Variants in TXNRD2 observed in about 807,000 individuals in gnomAD.
TXNRD2 encodes the protein thioredoxin reductase 2.
Under a neutral mutation model 70.8 loss-of-function variants are expected in TXNRD2, and 67 were observed. That is an observed-to-expected ratio of 0.95 (90% CI 0.78 to 1.16). The LOEUF (loss-of-function observed/expected upper bound fraction) is 1.16. Ranked by LOEUF, TXNRD2 falls within the 50% of genes most tolerant of loss-of-function variation. The probability of loss-of-function intolerance (pLI) is 0.00; values close to 1 mark genes in which losing one functional copy is unlikely to be tolerated. For synonymous variants in TXNRD2, 301 were observed against 295.8 expected (o/e 1.02, Z -0.18); for missense variants, 644 against 719.9 (o/e 0.89, Z 1.21).
At chr22:19,925,054 G>T (rs1040233390) in intron 2 of TXNRD2, among the ~76,000 whole-genome samples, 1 of 151,720 alleles carries the variant, frequency 6.6e-6, no homozygotes, top group Non-Finnish European at 1.5e-5. Flanking sequence ...GGAGGCCAAG[G>T]GGGGCGGATC....
At chr22:19,887,674 C>T (rs1939091089) in intron 11 of TXNRD2, 1 of 152,434 alleles carries the variant, frequency 6.6e-6, no homozygotes, top group African/African-American at 2.4e-5. Context: ...GTCACCTCCC[C>T]TAGCCCGGAA....
intron 1 of TXNRD2, chr22:19,932,607 T>G: frequency 7.1e-7 from 1 of 1,417,716 alleles, no homozygotes; most frequent in Non-Finnish European, 9.3e-7. Flanking sequence ...GAAGAAATAA[T>G]AGCAAGTCAT....
At chr22:19,907,954 G>A (rs1265615601) in intron 8 of TXNRD2, among the ~76,000 whole-genome samples, 1 of 98,066 alleles carries the variant, frequency 1.0e-5, no homozygotes, top group African/African-American at 4.4e-5. Flanking sequence ...CAGCTCTCAG[G>A]AGAGTGTGGG....
At chr22:19,911,167 C>A (rs756203916) in intron 8 of TXNRD2, 1 of 674,018 alleles carries the variant, frequency 1.5e-6, no homozygotes, top group South Asian at 1.5e-5. Flanking sequence ...GAACTCCTGG[C>A]CTCAAGCAAT....
intron 16 of TXNRD2, among the ~76,000 whole-genome samples, chr22:19,877,860 G>A (rs1376097541): frequency 1.3e-5 from 2 of 152,192 alleles, no homozygotes; most frequent in Non-Finnish European, 2.9e-5. Flanking sequence ...GGGCCACAGG[G>A]GACACCTCAC....
intron 8 of TXNRD2, among the ~76,000 whole-genome samples, chr22:19,905,223 A>G (rs187370809): frequency 1.6e-4 from 24 of 152,368 alleles, no homozygotes; most frequent in Admixed American, 2.6e-4. Context: ...ATTTCCTCAC[A>G]TAAATCATGC....
chr22:19,905,245 C>T (rs975687651), intron 8 of TXNRD2, among the ~76,000 whole-genome samples: 5 of 152,148 alleles, frequency 3.3e-5, no homozygotes, highest in African/African-American at 9.7e-5. Flanking sequence ...CAGAATGAAA[C>T]GGGTGACTGA....
chr22:19,926,832 C>A lies in TXNRD2; in HGVS notation c.172+4198G>T, dbSNP rs116586974. On this transcript the variant is annotated intron_variant, in intron 2 of 17. Coordinates refer to ENST00000400521, the MANE Select transcript of TXNRD2 (RefSeq NM_006440.5). ...ACAGCTGAAATGTCCAGAACAGACA[C>A]ATCCACGGATATAGGAAGTAGATTA... Among the ~76,000 whole-genome samples, 26 of 152,280 alleles carry A rather than the reference C, an allele frequency of 1.7e-4. No individual in the cohort carries two copies. The East Asian group carries it at 2.5e-3, about 15-fold the overall frequency.
At chr22:19,897,327 T>C (rs1939553992) in intron 10 of TXNRD2, among the ~76,000 whole-genome samples, 1 of 152,190 alleles carries the variant, frequency 6.6e-6, no homozygotes, top group African/African-American at 2.4e-5. Context: ...GGCCTGCAGA[T>C]CTGCACAGCT....
chr22:19,923,672 G>GCTC, intron 2 of TXNRD2, among the ~76,000 whole-genome samples: 3 of 152,140 alleles, frequency 2.0e-5, no homozygotes, highest in South Asian at 2.1e-4. Context: ...TGTGGTGGTG[G>GCTC]GCGCCTGTAA....
rs780948248 is a variant in TXNRD2 at position 19,880,682 on chromosome 22, G to A, written c.1122C>T (p.Ala374=). The A allele has an allele frequency of 1.9e-5, 31 of 1,613,206 alleles. No homozygotes were observed. Among genetic ancestry groups the A allele is most frequent in the Admixed American group, 5.0e-5 (3 of 60,004 alleles). The change falls in exon 13 of 18, where the codon GCC becomes GCT. Residue 374 remains alanine (A), a synonymous_variant. Transcript: ENST00000400521. The part of the protein sequence containing the change: ...RPELTPIAIM[A]GRLLVQRLFG... ...AGAGCCGCTGCACCAGGAGCCTCCC[G>A]GCCATGATCGCTATGGGTGTCAGCT... is the stretch of plus-strand genomic sequence containing the variant.
rs1940179564 is a variant in TXNRD2, at chr22:19,908,626, T to C, written c.662+2751A>G. On this transcript the variant is annotated intron_variant, in intron 8 of 17. Transcript: ENST00000400521. The stretch of plus-strand genomic sequence containing the variant: ...CCATAAGATCCAGCAATCCCACTTC[T>C]GGGTTTGCATCCAAAAGAACTGAAA... Among the ~76,000 whole-genome samples, 2 of 152,204 alleles carry C rather than the reference T, an allele frequency of 1.3e-5. 1 individual carries two copies. Among genetic ancestry groups the C allele is most frequent in the East Asian group, 3.9e-4 (2 of 5,188 alleles).
At chr22:19,880,293 G>C in intron 13 of TXNRD2, 22 bp from the exon 14 acceptor site, 1 of 1,612,230 alleles carries the variant, frequency 6.2e-7, no homozygotes, top group Non-Finnish European at 8.5e-7. Flanking sequence ...TCTGGAGTCA[G>C]GGAGGGCCCT....
chr22:19,898,636 T>C (rs191686284), intron 9 of TXNRD2, among the ~76,000 whole-genome samples: 1 of 148,082 alleles, frequency 6.8e-6, no homozygotes, highest in African/African-American at 2.5e-5. Context: ...TGCCTCAGCC[T>C]CCCAAGTAGC....
intron 8 of TXNRD2, chr22:19,903,129 G>C (rs967341544): frequency 2.1e-6 from 1 of 474,276 alleles, no homozygotes; most frequent in Non-Finnish European, 4.2e-6. Context: ...CCTCCCCCAG[G>C]GCCCAGTGTG....
chr22:19,938,660 A>G (rs549170410), intron 1 of TXNRD2, among the ~76,000 whole-genome samples: 1 of 152,306 alleles, frequency 6.6e-6, no homozygotes, highest in Non-Finnish European at 1.5e-5. Context: ...GCCTTATATC[A>G]TGCCCATCCC....
intron 8 of TXNRD2, among the ~76,000 whole-genome samples, chr22:19,909,586 CACCA>C (rs1569092998): frequency 6.8e-6 from 1 of 146,618 alleles, no homozygotes; most frequent in Non-Finnish European, 1.5e-5. Flanking sequence ...CACACACACA[CACCA>C]CACACACCAC....
At chr22:19,895,233 G>T (rs1482770788) in intron 11 of TXNRD2, 174 bp downstream of exon 11, 24 of 1,595,500 alleles carry the variant, frequency 1.5e-5, no homozygotes, top group Non-Finnish European at 1.9e-5. Context: ...AGCCTAGTGT[G>T]AGTGCCGCCC....
chr22:19,884,907 G>A (rs1237219827), intron 11 of TXNRD2, among the ~76,000 whole-genome samples: 1 of 152,192 alleles, frequency 6.6e-6, no homozygotes, highest in South Asian at 2.1e-4. Flanking sequence ...CCAGCCTAGA[G>A]ACCTCAGGGC....
Sources: gnomAD v4.1 joint callset for allele counts (sites outside exome capture counted in the v4.1 genomes callset) on GRCh38, gnomAD v4.1.1 for gene constraint, MANE v1.5 for transcripts, NCBI Gene and HGNC (gene_info 2026-07-23, HGNC 2026-07-21) for gene names.